The following CSMD1 variants were observed in gnomAD, a reference collection of about 807,000 sequenced individuals.
CSMD1 encodes the protein CUB and Sushi multiple domains 1, also known as CUB and sushi domain-containing protein 1.
A neutral mutation model predicts 417.5 loss-of-function variants in CSMD1; 213 were observed. The observed-to-expected ratio is 0.51, with a 90% CI of 0.46 to 0.57. The LOEUF (loss-of-function observed/expected upper bound fraction) is 0.57. CSMD1 is among the 20% of genes least tolerant of loss of function. The pLI is 0.00. For synonymous variants in CSMD1, 2,862 were observed against 1,736.8 expected, an observed-to-expected ratio of 1.65 and a Z score of -16.11; for missense variants, 6,923 against 4,529.7, an observed-to-expected ratio of 1.53 and a Z score of -15.17.
At chr8:4,731,474 G>C (rs1032281671) in intron 1 of CSMD1, among the ~76,000 whole-genome samples, 3 of 152,048 alleles carry the variant, frequency 2.0e-5, no homozygotes, top group African/African-American at 7.2e-5. Context: ...AACTTGCCTT[G>C]GAAAGGAGCA....
intron 1 of CSMD1, among the ~76,000 whole-genome samples, chr8:4,875,507 T>C (rs1802991238): frequency 6.6e-6 from 1 of 152,046 alleles, no homozygotes; most frequent in South Asian, 2.1e-4. Flanking sequence ...CTCCATGAGA[T>C]GAAGCTTTGG....
Position 3,842,551 on chromosome 8 carries a change from C to A in CSMD1, c.819-88509G>T, listed in dbSNP as rs1021583495. On this transcript the variant is annotated intron_variant, in intron 5 of 69. Transcript: ENST00000635120. The stretch of plus-strand genomic sequence containing the variant: ...TAGATCTAGGTCAGAAATTGTAAAT[C>A]CTGGGGACACAGTAGTAGAAATAAC... 4.0e-5 allele frequency among the ~76,000 whole-genome samples: 6 copies of A among 151,602 alleles called. No individual in the cohort carries two copies. In the East Asian group the frequency reaches 9.7e-4, roughly 25 times the overall value.
chr8:4,375,257 G>T (rs189571608), intron 3 of CSMD1, among the ~76,000 whole-genome samples: 6 of 152,172 alleles, frequency 3.9e-5, no homozygotes, highest in South Asian at 2.1e-4. Context: ...ACATGCAGTT[G>T]TCCATAAACA....
intron 5 of CSMD1, among the ~76,000 whole-genome samples, chr8:3,900,922 T>C (rs1461171744): frequency 2.0e-5 from 3 of 152,198 alleles, no homozygotes; most frequent in African/African-American, 4.8e-5. Flanking sequence ...ATCCAAACAC[T>C]ATGGATTATT....
At chr8:4,275,401 A>G (rs929857957) in intron 3 of CSMD1, among the ~76,000 whole-genome samples, 1 of 152,162 alleles carries the variant, frequency 6.6e-6, no homozygotes, top group East Asian at 1.9e-4. Context: ...AAAGGAAAGG[A>G]CAAAGGAGAA....
chr8:3,707,397 G>A (rs10111000), intron 7 of CSMD1, among the ~76,000 whole-genome samples: 56,799 of 151,906 alleles, frequency 0.37, 10,897 homozygotes, highest in East Asian at 0.56. Context: ...GCAAAACACC[G>A]GGGACAGGCG....
intron 12 of CSMD1, among the ~76,000 whole-genome samples, chr8:3,433,951 C>T (rs1296438706): frequency 6.6e-6 from 1 of 152,170 alleles, no homozygotes; most frequent in Non-Finnish European, 1.5e-5. Context: ...GGCTCCCAGG[C>T]AAGACTCCCC....
In CSMD1 at chr8:2,973,868, GTGGTAGAGGATGA is replaced by G. The variant is rs1563196412; in HGVS notation, c.8740+570_8741-570del. 1.1e-3 allele frequency among the ~76,000 whole-genome samples: 127 copies of G among 120,604 alleles called. 1 individual carries two copies. The highest frequency in any genetic ancestry group is 1.3e-3 in the Non-Finnish European group (74 of 56,040). The allele number at this position is 120,604 out of a possible 152,430, so 79.1% of individuals were successfully genotyped here. The stretch of plus-strand genomic sequence containing the variant: ...TGGTAGAGGATGATGGTAGAGGATG[GTGGTAGAGGATGA>G]TGGTAGAGGATGATGGTAGAGGATG... On this transcript the variant is annotated intron_variant, in intron 56 of 69. Coordinates refer to ENST00000635120, the MANE Select transcript of CSMD1 (RefSeq NM_033225.6).
intron 1 of CSMD1, among the ~76,000 whole-genome samples, chr8:4,779,178 G>C (rs373041354): frequency 6.6e-6 from 1 of 152,186 alleles, no homozygotes; most frequent in Non-Finnish European, 1.5e-5. Context: ...ATATTTTCCA[G>C]TGGTGGCAAA....
At chr8:4,096,293 C>G (rs1489449759) in intron 3 of CSMD1, among the ~76,000 whole-genome samples, 1 of 152,010 alleles carries the variant, frequency 6.6e-6, no homozygotes, top group Non-Finnish European at 1.5e-5. Flanking sequence ...TGCCATTGTG[C>G]TAGGATCACC....
At chr8:4,428,919 G>A (rs1456442143) in intron 2 of CSMD1, among the ~76,000 whole-genome samples, 2 of 151,888 alleles carry the variant, frequency 1.3e-5, no homozygotes, top group Admixed American at 6.6e-5. Context: ...TTCACCATTT[G>A]GCCAGGCTGG....
At chr8:3,761,304 A>G (rs929597657) in intron 5 of CSMD1, among the ~76,000 whole-genome samples, 1 of 152,200 alleles carries the variant, frequency 6.6e-6, no homozygotes, top group Non-Finnish European at 1.5e-5. Flanking sequence ...ATATATATGT[A>G]CACACGCACA....
intron 5 of CSMD1, among the ~76,000 whole-genome samples, chr8:3,951,560 C>T (rs974376943): frequency 6.6e-6 from 1 of 151,910 alleles, no homozygotes; most frequent in Non-Finnish European, 1.5e-5. Context: ...TAAAATACAT[C>T]GCCAAAGATA....
intron 20 of CSMD1, among the ~76,000 whole-genome samples, chr8:3,366,815 C>A (rs1034795551): frequency 6.6e-6 from 1 of 152,162 alleles, no homozygotes; most frequent in Non-Finnish European, 1.5e-5. Flanking sequence ...AATTGTGTAA[C>A]ACAAAGTGGC....
Position 4,237,854 on chromosome 8 carries a change from T to A in CSMD1, c.415+182099A>T, listed in dbSNP as rs1183593972. On this transcript the variant is annotated intron_variant, in intron 3 of 69. Transcript: ENST00000635120. ...AAAGGGAAGCTTTATATTGTATTATTTTTTTCTGGACAATGCCTTATGTTC... is the reference window on the plus strand; with the variant it reads ...AAAGGGAAGCTTTATATTGTATTATATTTTTCTGGACAATGCCTTATGTTC... Among the ~76,000 whole-genome samples the A allele has an allele frequency of 2.0e-5, 3 of 152,164 alleles. No homozygotes were observed. In the East Asian group the frequency reaches 5.8e-4, roughly 29 times the overall value.
chr8:4,636,459 G>A (rs1436036271), intron 2 of CSMD1, among the ~76,000 whole-genome samples: 1 of 152,148 alleles, frequency 6.6e-6, no homozygotes, highest in Non-Finnish European at 1.5e-5. Context: ...AGCCCTGAAT[G>A]TTGTTCCCTC....
At chr8:4,025,777 A>G (rs1797032921) in intron 4 of CSMD1, among the ~76,000 whole-genome samples, 1 of 152,162 alleles carries the variant, frequency 6.6e-6, no homozygotes, top group Non-Finnish European at 1.5e-5. Context: ...TGTTTAAGGG[A>G]CACAGTTTTA....
At chr8:4,135,348 A>AAGG (rs1563169079) in intron 3 of CSMD1, among the ~76,000 whole-genome samples, 8 of 22,602 alleles carry the variant, frequency 3.5e-4, no homozygotes, top group African/African-American at 9.9e-4. Context: ...GAAGGAAGGA[A>AAGG]GGGAAAGGAG....
At chr8:4,522,156 G>A (rs1044084670) in intron 2 of CSMD1, among the ~76,000 whole-genome samples, 5 of 152,048 alleles carry the variant, frequency 3.3e-5, no homozygotes, top group South Asian at 2.1e-4. Flanking sequence ...TCTTTCCTGG[G>A]CTGTTCTCGT....
Sources: allele counts gnomAD v4.1 joint callset (sites outside exome capture counted in the v4.1 genomes callset), GRCh38; gene constraint gnomAD v4.1.1; transcripts MANE v1.5; gene names NCBI Gene and HGNC (gene_info 2026-07-23, HGNC 2026-07-21).